THAP3: variants seen among roughly 807,000 people sequenced by gnomAD.
THAP3 encodes THAP domain-containing protein 3.
THAP3 carries 12 observed loss-of-function variants against 17.7 expected under a neutral mutation model. The ratio of observed to expected loss-of-function variants is 0.68; its 90% confidence interval spans 0.43 to 1.10. The LOEUF is 1.10. Ranked by LOEUF, THAP3 falls within the 50% of genes least tolerant of loss-of-function variation. THAP3 has a pLI of 0.00. For missense variants in THAP3, 289 were observed against 318.0 expected, an observed-to-expected ratio of 0.91 and a Z score of 0.69; for synonymous variants, 133 against 126.9, an observed-to-expected ratio of 1.05 and a Z score of -0.32.
chr1:6,629,955 C>T lies in THAP3; in HGVS notation c.268-333C>T, dbSNP rs76182081. On this transcript the variant is annotated intron_variant, in intron 3 of 5. Coordinates refer to ENST00000054650, the MANE Select transcript of THAP3 (RefSeq NM_001195753.2). ...TGCAGGTTCTGGGTCAGTGGCACCT[C>T]GAGTGGTGAGCTGCGCTTCTGCTGC... 4.5e-3 allele frequency among the ~76,000 whole-genome samples: 692 copies of T among 152,274 alleles called. 3 individuals are homozygous for T. The highest frequency in any genetic ancestry group is 0.016 in the African/African-American group (645 of 41,562).
chr1:6,634,500 G>A, downstream of THAP3: 1 of 1,347,824 alleles, frequency 7.4e-7, no homozygotes, highest in Non-Finnish European at 9.9e-7. Flanking sequence ...GGCCGGCGCA[G>A]CTTGGGGCCC....
Position 6,625,367 on chromosome 1 carries a change from C to T in THAP3, c.74+75C>T, listed in dbSNP as rs975064458. The stretch of plus-strand genomic sequence containing the variant: ...GGACCGACTCCGAGGCCTTGGCGCG[C>T]CGGGCGGGAGGCCCAAAGGCGTGCG... On this transcript the variant is annotated intron_variant, in intron 2 of 5. Coordinates refer to ENST00000054650, the MANE Select transcript of THAP3 (RefSeq NM_001195753.2). 1.1e-5 allele frequency: 16 copies of T among 1,397,650 alleles called. No homozygotes were observed. In the African/African-American group the frequency reaches 2.1e-4, roughly 19 times the overall value. 86.6% of individuals were successfully genotyped at this position (1,397,650 alleles called of 1,614,324 possible).
intron 1 of THAP3, 73 bp downstream of exon 1, chr1:6,625,027 C>G: frequency 1.7e-6 from 1 of 590,854 alleles, no homozygotes; most frequent in Non-Finnish European, 2.9e-6. Context: ...CACCCCTTTA[C>G]GTGGCGCCCC....
chr1:6,634,963 G>A (rs967305474), downstream of THAP3: 22 of 971,294 alleles, frequency 2.3e-5, no homozygotes, highest in African/African-American at 8.5e-5. Flanking sequence ...GTGGCAGGGC[G>A]TTTTCCCACC....
downstream of THAP3, chr1:6,633,964 A>G: frequency 6.6e-7 from 1 of 1,519,154 alleles, no homozygotes; most frequent in Non-Finnish European, 9.0e-7. Flanking sequence ...GCTTTAGTGA[A>G]TTAAAGAAAA....
chr1:6,625,011 C>T (rs886374930), intron 1 of THAP3, 57 bp downstream of exon 1: 12 of 560,964 alleles, frequency 2.1e-5, no homozygotes, highest in Admixed American at 6.8e-5. Flanking sequence ...GAATTGGGGC[C>T]CGGAGCACCC....
At position 6,626,576 on chromosome 1, in the gene THAP3, G is replaced by T. The variant is rs112307134; in HGVS notation, c.74+1284G>T. Among the ~76,000 whole-genome samples, 1,207 of 152,312 alleles carry T rather than the reference G, an allele frequency of 7.9e-3. 13 individuals are homozygous for T. The highest frequency in any genetic ancestry group is 0.027 in the African/African-American group (1,134 of 41,562). ...CTGGAGGCTGGGCGTGGTGGCTCAC[G>T]CCTGTAATCCCAGCACTTTGGGAGG... On this transcript the variant is annotated intron_variant, in intron 2 of 5. Transcript: ENST00000054650.
chr1:6,630,441 G>T, intron 4 of THAP3, 88 bp downstream of exon 4: 1 of 1,384,802 alleles, frequency 7.2e-7, no homozygotes, highest in South Asian at 1.2e-5. Flanking sequence ...AGGCCGGCCC[G>T]CAGGGCTGTC....
At chr1:6,634,625 T>A, downstream of THAP3, 3 of 1,366,478 alleles carry the variant, frequency 2.2e-6, no homozygotes, top group Non-Finnish European at 2.9e-6. Flanking sequence ...GTAACTTTAC[T>A]GCAGCCGAGG....
intron 3 of THAP3, among the ~76,000 whole-genome samples, chr1:6,629,064 T>G (rs1412203338): frequency 6.6e-6 from 1 of 152,132 alleles, no homozygotes. Flanking sequence ...CAGCTGGGTG[T>G]GTTGGTGGGC....
chr1:6,630,368 C>A lies in THAP3; in HGVS notation c.333+15C>A. 1 of 1,613,222 alleles carries A rather than the reference C, an allele frequency of 6.2e-7. No homozygotes were observed. ...AGAAAGAAAAGGTGAGTGCACCGGGCCAGGTACTTGAATGTTTAAATTATG... is the reference window on the plus strand; with the variant it reads ...AGAAAGAAAAGGTGAGTGCACCGGGACAGGTACTTGAATGTTTAAATTATG... On this transcript the variant is annotated intron_variant, in intron 4 of 5. Transcript: ENST00000054650.
chr1:6,624,982 G>A (rs1641418716), intron 1 of THAP3, 28 bp downstream of exon 1: 3 of 542,748 alleles, frequency 5.5e-6, no homozygotes. Flanking sequence ...CCAAGGCTAG[G>A]AGTTGGGGTT....
chr1:6,626,351 C>T (rs186325195), intron 2 of THAP3, among the ~76,000 whole-genome samples: 1 of 152,012 alleles, frequency 6.6e-6, no homozygotes, highest in African/African-American at 2.4e-5. Flanking sequence ...AGAACCCCTA[C>T]CTGGACCCCC....
intron 3 of THAP3, 65 bp downstream of exon 3, chr1:6,628,756 G>T: frequency 3.3e-6 from 5 of 1,507,052 alleles, no homozygotes; most frequent in South Asian, 1.3e-5. Context: ...GCAGCTGGGG[G>T]CAGTGGGGGT....
chr1:6,630,016 G>A (rs1017849108), intron 3 of THAP3, among the ~76,000 whole-genome samples: 2 of 152,180 alleles, frequency 1.3e-5, no homozygotes, highest in African/African-American at 4.8e-5. Context: ...CCAGGCCCTG[G>A]GGTGACACAT....
chr1:6,634,988 C>T, downstream of THAP3: 1 of 710,298 alleles, frequency 1.4e-6, no homozygotes, highest in Non-Finnish European at 1.9e-6. Flanking sequence ...TACGGGAAGC[C>T]ACCTGTGTCA....
At chr1:6,634,320 G>A (rs995281686), downstream of THAP3, 31 of 1,000,600 alleles carry the variant, frequency 3.1e-5, no homozygotes, top group Admixed American at 5.9e-5. Flanking sequence ...ACCGCGGCTC[G>A]GGCCGTGGGG....
downstream of THAP3, chr1:6,634,649 G>C: frequency 7.3e-7 from 1 of 1,366,506 alleles, no homozygotes; most frequent in Non-Finnish European, 9.8e-7. Flanking sequence ...AGGCCGTGGA[G>C]GGGGTCCTAG....
chr1:6,631,304 A>G (rs1427954810), intron 4 of THAP3, among the ~76,000 whole-genome samples: 2 of 151,238 alleles, frequency 1.3e-5, no homozygotes. Context: ...GGCGGGAGCC[A>G]CCGCACCTGG....
Sources: allele counts gnomAD v4.1 joint callset (sites outside exome capture counted in the v4.1 genomes callset), GRCh38; gene constraint gnomAD v4.1.1; transcripts MANE v1.5; gene names NCBI Gene and HGNC (gene_info 2026-07-23, HGNC 2026-07-21).